The following LRFN5 variants were observed in gnomAD, a reference collection of about 807,000 sequenced individuals.
The protein encoded by LRFN5 is leucine rich repeat and fibronectin type III domain containing 5.
In LRFN5, 24 loss-of-function variants were observed where a neutral mutation model predicts 45.6. The ratio of observed to expected loss-of-function variants is 0.53; its 90% CI spans 0.38 to 0.74. LRFN5 has a LOEUF of 0.74. LRFN5 is among the 30% of genes least tolerant of loss of function. The pLI is 0.00. For synonymous variants in LRFN5, 340 were observed against 313.8 expected (o/e 1.08, Z -0.88); for missense variants, 776 against 861.5 (o/e 0.90, Z 1.24).
At chr14:41,880,412 CTAA>C (rs1300997202) in intron 2 of LRFN5, among the ~76,000 whole-genome samples, 2 of 151,966 alleles carry the variant, frequency 1.3e-5, no homozygotes, top group African/African-American at 4.8e-5. Flanking sequence ...TGTTTTCTTT[CTAA>C]TAATATATTT....
At chr14:41,659,007 C>A (rs1350758687) in intron 1 of LRFN5, among the ~76,000 whole-genome samples, 3 of 151,790 alleles carry the variant, frequency 2.0e-5, no homozygotes, top group Non-Finnish European at 2.9e-5. Context: ...CCTAAAATTT[C>A]TTTTGGCTCT....
intron 1 of LRFN5, among the ~76,000 whole-genome samples, chr14:41,619,131 T>G (rs1475237198): frequency 6.6e-6 from 1 of 152,176 alleles, no homozygotes; most frequent in Middle Eastern, 3.2e-3. Context: ...CAGTGTGGTA[T>G]TCTGTAATTT....
At chr14:41,641,802 G>C (rs1879592822) in intron 1 of LRFN5, among the ~76,000 whole-genome samples, 1 of 152,060 alleles carries the variant, frequency 6.6e-6, no homozygotes, top group Non-Finnish European at 1.5e-5. Context: ...AGAAAATGAA[G>C]TTTTGAAACT....
intron 2 of LRFN5, among the ~76,000 whole-genome samples, chr14:41,815,237 A>G (rs765147612): frequency 1.3e-5 from 2 of 152,094 alleles, no homozygotes; most frequent in Non-Finnish European, 2.9e-5. Flanking sequence ...AGGTACATGC[A>G]TGTTAATAAT....
chr14:41,880,254 G>T (rs1212250766), intron 2 of LRFN5, among the ~76,000 whole-genome samples: 1 of 151,198 alleles, frequency 6.6e-6, no homozygotes, highest in Non-Finnish European at 1.5e-5. Context: ...AACAGCTTTT[G>T]ACTTTATGTA....
intron 1 of LRFN5, among the ~76,000 whole-genome samples, chr14:41,644,945 T>C (rs1254266130): frequency 6.6e-6 from 1 of 152,192 alleles, no homozygotes; most frequent in Non-Finnish European, 1.5e-5. Flanking sequence ...TTTTTTATGG[T>C]CTAAAAGCAG....
intron 2 of LRFN5, among the ~76,000 whole-genome samples, chr14:41,812,921 TC>T (rs1887784384): frequency 6.6e-6 from 1 of 152,078 alleles, no homozygotes; most frequent in South Asian, 2.1e-4. Flanking sequence ...GAAGAAGTCA[TC>T]ACGTTCCAGA....
chr14:41,706,098 T>G (rs867775617), intron 1 of LRFN5, among the ~76,000 whole-genome samples: 1 of 149,692 alleles, frequency 6.7e-6, no homozygotes, highest in African/African-American at 2.5e-5. Flanking sequence ...GTTCCGGAAC[T>G]TTTTTTTTTG....
chr14:41,865,543 T>A (rs1566492001), intron 2 of LRFN5, among the ~76,000 whole-genome samples: 1 of 152,160 alleles, frequency 6.6e-6, no homozygotes, highest in Admixed American at 6.5e-5. Context: ...TTTGTACAAG[T>A]TTTTTTGTCA....
intron 1 of LRFN5, among the ~76,000 whole-genome samples, chr14:41,608,768 G>A (rs1252985661): frequency 6.6e-6 from 1 of 152,184 alleles, no homozygotes; most frequent in Non-Finnish European, 1.5e-5. Flanking sequence ...TAATCTAGTA[G>A]TGAAAGCTTT....
At chr14:41,616,533 G>A (rs1237933125) in intron 1 of LRFN5, among the ~76,000 whole-genome samples, 1 of 151,978 alleles carries the variant, frequency 6.6e-6, no homozygotes, top group Non-Finnish European at 1.5e-5. Context: ...CTCCTCCATT[G>A]TTTAATAAAA....
intron 1 of LRFN5, among the ~76,000 whole-genome samples, chr14:41,712,064 G>A (rs975801373): frequency 6.6e-6 from 1 of 152,138 alleles, no homozygotes; most frequent in Non-Finnish European, 1.5e-5. Context: ...TGAAGTTGAC[G>A]AGAACGGAAG....
rs780862522 is a variant in LRFN5 at position 41,886,776 on chromosome 14, A to G, written c.151A>G (p.Arg51Gly). 1 of 1,614,184 alleles carries G rather than the reference A, an allele frequency of 6.2e-7. No homozygotes were observed. Among genetic ancestry groups the G allele is most frequent in the Non-Finnish European group, 8.5e-7 (1 of 1,180,026 alleles). The change falls in exon 3 of 6, where the codon AGA (arginine) becomes GGA (glycine). Residue 51 changes from arginine to glycine, a missense_variant. Around this residue, in one of 2 missense-constraint regions of LRFN5, gnomAD observed 311 missense variants for 405.1 expected, o/e 0.77. Coordinates refer to ENST00000298119, the MANE Select transcript of LRFN5 (RefSeq NM_152447.5). ...GLLFVPPNID[R>G]RTVELRLADN... is the part of the protein sequence containing the mutation. ...TTTATTTGTTCCACCAAACATTGAC[A>G]GAAGAACTGTGGAACTGCGGTTGGC...
At chr14:41,899,190 G>A (rs1302468960) in intron 5 of LRFN5, among the ~76,000 whole-genome samples, 2 of 152,066 alleles carry the variant, frequency 1.3e-5, no homozygotes, top group Non-Finnish European at 2.9e-5. Flanking sequence ...GCTTTGTCCT[G>A]TAAGAAATGA....
rs201564253 is a variant in LRFN5 at position 41,773,577 on chromosome 14, G to T, written c.-21+6548G>T. ...TCTCTCTTTGTCTCTCTCTCTCTCTGTCTCTTTCTCTTTCTCTCTCTCTGC... is the reference window on the plus strand; with the variant it reads ...TCTCTCTTTGTCTCTCTCTCTCTCTTTCTCTTTCTCTTTCTCTCTCTCTGC... On this transcript the variant is annotated intron_variant, in intron 2 of 5. Transcript: ENST00000298119. Among the ~76,000 whole-genome samples, 1,392 of 151,440 alleles carry T rather than the reference G, an allele frequency of 9.2e-3. 8 individuals carry two copies. The highest frequency in any genetic ancestry group is 0.014 in the Non-Finnish European group (937 of 67,870).
chr14:41,737,163 T>A (rs1884475900), intron 1 of LRFN5, among the ~76,000 whole-genome samples: 1 of 152,090 alleles, frequency 6.6e-6, no homozygotes, highest in Non-Finnish European at 1.5e-5. Flanking sequence ...ACGATCAAGT[T>A]GGCTTTATCC....
intron 1 of LRFN5, among the ~76,000 whole-genome samples, chr14:41,759,815 T>A (rs745416372): frequency 6.6e-6 from 1 of 152,228 alleles, no homozygotes; most frequent in Non-Finnish European, 1.5e-5. Flanking sequence ...TAATTCACTG[T>A]GACAATTAAG....
intron 1 of LRFN5, among the ~76,000 whole-genome samples, chr14:41,675,403 C>G (rs1881577073): frequency 6.6e-6 from 1 of 152,248 alleles, no homozygotes; most frequent in South Asian, 2.1e-4. Flanking sequence ...GAGCTGGAGA[C>G]CAGCCCGGCC....
intron 1 of LRFN5, among the ~76,000 whole-genome samples, chr14:41,764,767 C>A (rs1885807730): frequency 7.1e-6 from 1 of 141,628 alleles, no homozygotes; most frequent in Non-Finnish European, 1.6e-5. Context: ...ATATATTGTG[C>A]CTGTATTTAC....
Sources: allele counts gnomAD v4.1 joint callset (sites outside exome capture counted in the v4.1 genomes callset), GRCh38; gene constraint gnomAD v4.1.1; regional missense constraint gnomAD v4.1.1; transcripts MANE v1.5; gene names NCBI Gene and HGNC (gene_info 2026-07-23, HGNC 2026-07-21).